CALCR: variants seen among roughly 807,000 people sequenced by gnomAD.
CALCR encodes calcitonin receptor.
In CALCR, 47 loss-of-function variants were observed where a neutral mutation model predicts 59.5. The ratio of observed to expected loss-of-function variants is 0.79; its 90% CI spans 0.63 to 1.01. CALCR has a LOEUF of 1.01. Ranked by LOEUF, CALCR falls within the 50% of genes least tolerant of loss-of-function variation. CALCR has a pLI of 0.00. For synonymous variants in CALCR, 213 were observed against 211.3 expected, an observed-to-expected ratio of 1.01 and a Z score of -0.07; for missense variants, 566 against 597.1, an observed-to-expected ratio of 0.95 and a Z score of 0.54.
intron 2 of CALCR, among the ~76,000 whole-genome samples, chr7:93,490,225 C>A (rs1384598338): frequency 6.6e-6 from 1 of 151,854 alleles, no homozygotes; most frequent in African/African-American, 2.4e-5. Flanking sequence ...ATGTTAAAAA[C>A]TTCAATAGAC....
At chr7:93,445,679 GT>G (rs960304110) in intron 8 of CALCR, among the ~76,000 whole-genome samples, 1 of 151,950 alleles carries the variant, frequency 6.6e-6, no homozygotes, top group African/African-American at 2.4e-5. Flanking sequence ...TATGTGTTTT[GT>G]TTAAAGACAA....
chr7:93,483,072 C>T (rs1800836123), intron 3 of CALCR, among the ~76,000 whole-genome samples: 1 of 151,466 alleles, frequency 6.6e-6, no homozygotes, highest in Non-Finnish European at 1.5e-5. Context: ...CTGTGGATAC[C>T]AAAATCTGAG....
chr7:93,558,021 C>T (rs1450730999), intron 2 of CALCR, among the ~76,000 whole-genome samples: 3 of 151,928 alleles, frequency 2.0e-5, no homozygotes, highest in East Asian at 1.9e-4. Flanking sequence ...AGGGAAATGT[C>T]GCCTTGTCTT....
intron 3 of CALCR, chr7:93,482,784 T>C (rs776636229): frequency 3.7e-6 from 2 of 533,646 alleles, no homozygotes; most frequent in Non-Finnish European, 7.7e-6. Flanking sequence ...ATTCTTGCAA[T>C]ATTGAAACAA....
intron 2 of CALCR, among the ~76,000 whole-genome samples, chr7:93,507,040 C>T (rs1172874283): frequency 6.6e-6 from 1 of 152,182 alleles, no homozygotes; most frequent in African/African-American, 2.4e-5. Flanking sequence ...CCATGTGGAA[C>T]TGTGAGTCCA....
At chr7:93,456,566 T>C (rs1188164590) in intron 8 of CALCR, among the ~76,000 whole-genome samples, 2 of 152,136 alleles carry the variant, frequency 1.3e-5, no homozygotes, top group Admixed American at 1.3e-4. Flanking sequence ...GTCACAGATA[T>C]GTTTCCAAAA....
chr7:93,524,196 G>A (rs1446150422), intron 2 of CALCR, among the ~76,000 whole-genome samples: 1 of 145,682 alleles, frequency 6.9e-6, no homozygotes, highest in Non-Finnish European at 1.5e-5. Flanking sequence ...TTTGAGACGA[G>A]TTTCGCTCTG....
At chr7:93,500,464 C>A (rs1801299171) in intron 2 of CALCR, among the ~76,000 whole-genome samples, 1 of 151,950 alleles carries the variant, frequency 6.6e-6, no homozygotes, top group South Asian at 2.1e-4. Flanking sequence ...CCAATTAGAA[C>A]AATTGCTGGC....
At position 93,494,554 on chromosome 7, in the gene CALCR, C is replaced by T. The variant is rs942256952; in HGVS notation, c.-26-7547G>A. 2.0e-5 allele frequency among the ~76,000 whole-genome samples: 3 copies of T among 151,410 alleles called. No individual in the cohort carries two copies. The East Asian group carries it at 5.8e-4, about 29-fold the overall frequency. On this transcript the variant is annotated intron_variant, in intron 2 of 13. Transcript: ENST00000426151. The stretch of plus-strand genomic sequence containing the variant: ...AAGAGGTCTTAATTTTAAAGACTTG[C>T]ATTATTTGGAACTATAACAAATGCC...
intron 8 of CALCR, among the ~76,000 whole-genome samples, chr7:93,445,206 C>T (rs1004794948): frequency 6.6e-6 from 1 of 152,130 alleles, no homozygotes; most frequent in East Asian, 1.9e-4. Context: ...CTTCCCTCCC[C>T]GCCATCTGAT....
chr7:93,524,370 C>T (rs1801832019), intron 2 of CALCR, among the ~76,000 whole-genome samples: 1 of 151,924 alleles, frequency 6.6e-6, no homozygotes, highest in Non-Finnish European at 1.5e-5. Context: ...CGCGGTTTCA[C>T]CGTGTTAGCC....
chr7:93,458,539 C>T (rs1247279745), intron 8 of CALCR, among the ~76,000 whole-genome samples: 1 of 152,168 alleles, frequency 6.6e-6, no homozygotes. Flanking sequence ...GCAGGGCTGC[C>T]TTGCCCTCTG....
chr7:93,448,923 T>C (rs1056445759), intron 8 of CALCR, among the ~76,000 whole-genome samples: 27 of 151,920 alleles, frequency 1.8e-4, no homozygotes, highest in Admixed American at 5.9e-4. Flanking sequence ...GCCTGAAGAG[T>C]ATCTTCTCTG....
At chr7:93,546,545 A>G (rs937673591) in intron 2 of CALCR, among the ~76,000 whole-genome samples, 2 of 151,278 alleles carry the variant, frequency 1.3e-5, no homozygotes, top group African/African-American at 4.9e-5. Context: ...TGGGCCCATG[A>G]GTGAGTGACT....
intron 2 of CALCR, among the ~76,000 whole-genome samples, chr7:93,547,717 A>T (rs1789328483): frequency 6.6e-6 from 1 of 152,188 alleles, no homozygotes; most frequent in African/African-American, 2.4e-5. Context: ...ACATTTGGAA[A>T]GTCACACCTG....
At chr7:93,495,800 G>T in intron 2 of CALCR, 3 of 1,008,264 alleles carry the variant, frequency 3.0e-6, no homozygotes, top group Non-Finnish European at 4.4e-6. Context: ...TCTGATTGTT[G>T]TGGCTGATTT....
rs369032732 is a variant in CALCR, at chr7:93,494,161, C to A, written c.-26-7154G>T. Among the ~76,000 whole-genome samples, 5 of 151,330 alleles carry A rather than the reference C, an allele frequency of 3.3e-5. No homozygotes were observed. The East Asian group carries it at 5.8e-4, about 18-fold the overall frequency. On this transcript the variant is annotated intron_variant, in intron 2 of 13. Coordinates refer to ENST00000426151, the MANE Select transcript of CALCR (RefSeq NM_001742.4). ...ATGTGAGAGCTAATATGGCGAGAAA[C>A]CAGCTTCTTTATGAAGGTGAATATG...
At chr7:93,550,002 GAT>G (rs1192439186) in intron 2 of CALCR, among the ~76,000 whole-genome samples, 3 of 152,100 alleles carry the variant, frequency 2.0e-5, no homozygotes, top group African/African-American at 7.2e-5. Context: ...GAACATAAAT[GAT>G]AGAGTTCATC....
At chr7:93,460,062 C>T (rs1424264905) in intron 8 of CALCR, among the ~76,000 whole-genome samples, 1 of 152,044 alleles carries the variant, frequency 6.6e-6, no homozygotes, top group Non-Finnish European at 1.5e-5. Flanking sequence ...AATAGCTACT[C>T]ATAGGAGAGA....
Sources: allele counts gnomAD v4.1 joint callset (sites outside exome capture counted in the v4.1 genomes callset), GRCh38; gene constraint gnomAD v4.1.1; transcripts MANE v1.5; gene names NCBI Gene and HGNC (gene_info 2026-07-23, HGNC 2026-07-21).